Variants in RBFOX1 observed in about 807,000 individuals in gnomAD.
The protein encoded by RBFOX1 is RNA binding fox-1 homolog 1, also known as RNA binding protein fox-1 homolog 1.
A neutral mutation model predicts 57.7 loss-of-function variants in RBFOX1; 8 were observed. The observed-to-expected ratio is 0.14, with a 90% confidence interval of 0.08 to 0.25. The LOEUF (loss-of-function observed/expected upper bound fraction) is 0.25, where lower values mean the gene tolerates loss of function less well. Among genes scored for constraint, RBFOX1 ranks in the 10% least tolerant of loss-of-function variants. RBFOX1 has a pLI of 1.00. For missense variants in RBFOX1, 611 were observed against 548.5 expected (o/e 1.11, Z -1.14); for synonymous variants, 326 against 222.4 (o/e 1.47, Z -4.15).
intron 1 of RBFOX1, among the ~76,000 whole-genome samples, chr16:6,051,118 A>T (rs890874496): frequency 1.3e-5 from 2 of 151,220 alleles, no homozygotes; most frequent in Non-Finnish European, 2.9e-5. Flanking sequence ...TTCCCATTAA[A>T]AGTGGTGACA....
At chr16:5,666,718 G>GT (rs981255436) in intron 3 of RBFOX1, among the ~76,000 whole-genome samples, 3 of 152,262 alleles carry the variant, frequency 2.0e-5, no homozygotes, top group Middle Eastern at 3.4e-3. Context: ...CTCCCCATCT[G>GT]TTTTTTCTAG....
intron 3 of RBFOX1, among the ~76,000 whole-genome samples, chr16:6,775,053 C>T (rs914009085): frequency 2.0e-5 from 3 of 151,636 alleles, no homozygotes; most frequent in African/African-American, 7.3e-5. Flanking sequence ...AGGCAGGGCG[C>T]AGTGGCTCAC....
At chr16:7,052,288 G>C (rs1164718646) in intron 4 of RBFOX1, among the ~76,000 whole-genome samples, 190 bp downstream of exon 4, 1 of 152,180 alleles carries the variant, frequency 6.6e-6, no homozygotes, top group Non-Finnish European at 1.5e-5. Flanking sequence ...TTCTTTGGAA[G>C]TGCCGTTATA....
At chr16:5,348,913 G>A (rs79548518) in intron 1 of RBFOX1, among the ~76,000 whole-genome samples, 2 of 152,258 alleles carry the variant, frequency 1.3e-5, no homozygotes, top group South Asian at 2.1e-4. Flanking sequence ...TCCTAATTTC[G>A]TTTCTTTTGG....
intron 3 of RBFOX1, among the ~76,000 whole-genome samples, chr16:6,966,339 A>T (rs1308824345): frequency 6.6e-6 from 1 of 152,140 alleles, no homozygotes; most frequent in Non-Finnish European, 1.5e-5. Context: ...TTTGGCTCTC[A>T]GAGCACACAC....
intron 1 of RBFOX1, among the ~76,000 whole-genome samples, chr16:6,054,665 G>C (rs1238098208): frequency 2.6e-5 from 4 of 152,294 alleles, no homozygotes; most frequent in African/African-American, 9.6e-5. Context: ...TCACTGTAAT[G>C]AAAATCCTTC....
In RBFOX1 at chr16:6,727,522, C is replaced by T. The variant is rs528269627; in HGVS notation, c.-16+72872C>T. On this transcript the variant is annotated intron_variant, in intron 3 of 15. Transcript: ENST00000550418. ...CGCAAATTGTACACTGATTTATTAG[C>T]GTGAGCCAGGAGTTTAATGAGGGGA... Among the ~76,000 whole-genome samples, 11 of 152,016 alleles carry T rather than the reference C, an allele frequency of 7.2e-5. 1 individual carries two copies. In the South Asian group the frequency reaches 1.9e-3, roughly 26 times the overall value.
rs183826701 is a variant in RBFOX1, at chr16:7,336,418, T to C, written c.28-181729T>C. 1.9e-3 allele frequency among the ~76,000 whole-genome samples: 289 copies of C among 152,366 alleles called. 1 individual carries two copies. The highest frequency in any genetic ancestry group is 6.4e-3 in the African/African-American group (265 of 41,586). ...AAATCGTTCCCATTTCATCCAGGTC[T>C]GACAGATGATGAGTCAGCAGATTAT... On this transcript the variant is annotated intron_variant, in intron 4 of 15. Coordinates refer to ENST00000550418, the MANE Select transcript of RBFOX1 (RefSeq NM_018723.4).
intron 4 of RBFOX1, among the ~76,000 whole-genome samples, chr16:7,078,567 C>G (rs12928386): frequency 2.6e-5 from 4 of 151,838 alleles, no homozygotes; most frequent in African/African-American, 4.8e-5. Context: ...AGGCTGGTCT[C>G]GAAACCCTGG....
At chr16:5,719,056 G>A (rs1456151447) in intron 3 of RBFOX1, among the ~76,000 whole-genome samples, 3 of 151,984 alleles carry the variant, frequency 2.0e-5, no homozygotes, top group African/African-American at 4.8e-5. Flanking sequence ...CTGGCAGATA[G>A]CAAGAAGTCA....
At chr16:5,466,795 A>T (rs2068967151) in intron 1 of RBFOX1, among the ~76,000 whole-genome samples, 1 of 152,108 alleles carries the variant, frequency 6.6e-6, no homozygotes, top group South Asian at 2.1e-4. Context: ...GTGACCTGCC[A>T]TCCCTCCATA....
chr16:6,315,504 G>C (rs1017817460), intron 1 of RBFOX1, among the ~76,000 whole-genome samples: 7 of 151,620 alleles, frequency 4.6e-5, no homozygotes, highest in African/African-American at 1.7e-4. Context: ...TAGGTGGATG[G>C]ATGGATGGGT....
At chr16:6,050,855 C>T (rs920454527) in intron 1 of RBFOX1, among the ~76,000 whole-genome samples, 8 of 151,646 alleles carry the variant, frequency 5.3e-5, no homozygotes, top group African/African-American at 1.9e-4. Context: ...GGTTTTACTA[C>T]AAATGCAGGG....
intron 2 of RBFOX1, among the ~76,000 whole-genome samples, chr16:5,497,638 A>AAAAT (rs71142625): frequency 0.08 from 11,089 of 139,316 alleles, 687 homozygotes; most frequent in African/African-American, 0.11. Flanking sequence ...AAAAAAAAAA[A>AAAAT]GCTGGGCATG....
chr16:6,897,028 G>C (rs1221584384), intron 3 of RBFOX1, among the ~76,000 whole-genome samples: 2 of 152,180 alleles, frequency 1.3e-5, no homozygotes, highest in East Asian at 3.9e-4. Flanking sequence ...AGAGCTCCCT[G>C]TGCCCAGACC....
chr16:7,378,046 C>T (rs2097716738), intron 4 of RBFOX1, among the ~76,000 whole-genome samples: 1 of 152,114 alleles, frequency 6.6e-6, no homozygotes, highest in Admixed American at 6.6e-5. Flanking sequence ...TGAAGAAGAG[C>T]AAAGAGACTC....
At chr16:6,722,710 A>G (rs1353643034) in intron 3 of RBFOX1, among the ~76,000 whole-genome samples, 2 of 152,250 alleles carry the variant, frequency 1.3e-5, no homozygotes, top group Non-Finnish European at 2.9e-5. Flanking sequence ...CCATAATTAA[A>G]TGATTTGTAG....
intron 2 of RBFOX1, among the ~76,000 whole-genome samples, chr16:6,571,583 C>A (rs2097345270): frequency 6.6e-6 from 1 of 152,068 alleles, no homozygotes; most frequent in South Asian, 2.1e-4. Context: ...CATCAAGGAC[C>A]TGTTGCTTGC....
chr16:7,620,347 C>T (rs552710017), intron 10 of RBFOX1, among the ~76,000 whole-genome samples: 6 of 152,296 alleles, frequency 3.9e-5, no homozygotes, highest in Admixed American at 1.3e-4. Flanking sequence ...AAAGTCAACT[C>T]AACTTCCAGT....
Sources: allele counts gnomAD v4.1 joint callset (sites outside exome capture counted in the v4.1 genomes callset), GRCh38; gene constraint gnomAD v4.1.1; transcripts MANE v1.5; gene names NCBI Gene and HGNC (gene_info 2026-07-23, HGNC 2026-07-21).